UBAP2: variants seen among roughly 807,000 people sequenced by gnomAD.
The protein encoded by UBAP2 is ubiquitin associated protein 2.
A neutral mutation model predicts 139.6 loss-of-function variants in UBAP2; 75 were observed. That is an observed-to-expected ratio of 0.54 (90% CI 0.45 to 0.65). The LOEUF is 0.65. UBAP2 is among the 30% of genes least tolerant of loss of function. UBAP2 has a pLI of 0.00. For missense variants in UBAP2, 1,368 were observed against 1,369.6 expected (o/e 1.00, Z 0.02); for synonymous variants, 526 against 526.2 (o/e 1.00, Z 0.01).
intron 1 of UBAP2, among the ~76,000 whole-genome samples, chr9:34,041,529 T>C (rs1199948307): frequency 1.3e-5 from 2 of 148,646 alleles, no homozygotes; most frequent in African/African-American, 5.0e-5. Flanking sequence ...AAACCCCGTC[T>C]CTACTAAGAA....
chr9:34,010,682 G>C (rs1440330033), intron 2 of UBAP2, among the ~76,000 whole-genome samples: 1 of 152,100 alleles, frequency 6.6e-6, no homozygotes, highest in East Asian at 1.9e-4. Context: ...AAGCATTGTG[G>C]GGAGGGATTT....
rs200223182 is a variant in UBAP2 at position 33,971,721 on chromosome 9, T to C, written c.609A>G (p.Thr203=). The change falls in exon 8 of 29, where the codon ACA becomes ACG. Residue 203 remains threonine (T), a synonymous_variant. Transcript: ENST00000379238. Reference sequence around the variant, plus strand: ...GCTTTGTCCCACACACATCTGTAGATGTAGAATCTGAATAGTCTGCAGGAT... The same window carrying C: ...GCTTTGTCCCACACACATCTGTAGACGTAGAATCTGAATAGTCTGCAGGAT... ...TFNPADYSDS[T]STDVCGTKLV... 6.2e-6 allele frequency: 10 copies of C among 1,611,880 alleles called. No homozygotes were observed. The highest frequency in any genetic ancestry group is 1.3e-5 in the African/African-American group (1 of 74,910).
intron 1 of UBAP2, among the ~76,000 whole-genome samples, chr9:34,020,155 A>T (rs1189644452): frequency 5.3e-5 from 8 of 151,256 alleles, no homozygotes; most frequent in Non-Finnish European, 1.2e-4. Context: ...ATTATTAAAA[A>T]AAAAAAAAAA....
chr9:33,933,678 C>T (rs778080374), intron 17 of UBAP2, 50 bp from the exon 18 acceptor site: 1 of 1,599,158 alleles, frequency 6.3e-7, no homozygotes, highest in Non-Finnish European at 8.5e-7. Flanking sequence ...ATTTCTAAAA[C>T]CAATCCTAAG....
At chr9:34,011,703 T>C (rs2131253401) in intron 2 of UBAP2, 1 of 982,912 alleles carries the variant, frequency 1.0e-6, no homozygotes, top group African/African-American at 1.7e-5. Flanking sequence ...CAACTGGTAA[T>C]TCTTAAGTTA....
At chr9:33,925,275 C>T (rs1587500329) in intron 22 of UBAP2, among the ~76,000 whole-genome samples, 1 of 152,168 alleles carries the variant, frequency 6.6e-6, no homozygotes, top group Non-Finnish European at 1.5e-5. Flanking sequence ...CTAGAACCCC[C>T]GGAAGAGGCA....
chr9:33,951,908 T>C (rs1409766410), intron 12 of UBAP2, among the ~76,000 whole-genome samples: 1 of 152,170 alleles, frequency 6.6e-6, no homozygotes, highest in Non-Finnish European at 1.5e-5. Flanking sequence ...GTGCGTCAAT[T>C]AAAAATCAGG....
At chr9:34,019,569 T>TA (rs1295281656) in intron 1 of UBAP2, among the ~76,000 whole-genome samples, 1 of 151,884 alleles carries the variant, frequency 6.6e-6, no homozygotes, top group Non-Finnish European at 1.5e-5. Flanking sequence ...TAGGGGAGGA[T>TA]ACAAAGGTTC....
intron 2 of UBAP2, among the ~76,000 whole-genome samples, chr9:34,016,637 C>A (rs1459802621): frequency 6.6e-6 from 1 of 151,630 alleles, no homozygotes; most frequent in African/African-American, 2.4e-5. Context: ...CTCACTGCAA[C>A]CTCTGCCTCC....
rs1439058592 is a variant in UBAP2 at position 33,927,092 on chromosome 9, G to A, written c.2372-12C>T. The A allele has an allele frequency of 1.3e-6, 2 of 1,598,328 alleles. No individual in the cohort carries two copies. The highest frequency in any genetic ancestry group is 1.7e-6 in the Non-Finnish European group (2 of 1,171,324). ...TGGGGGTGCTTTGCCTGTATAGAGG[G>A]AAAAATCAAATGGAGTGAAATGGTC... is the stretch of plus-strand genomic sequence containing the variant. On this transcript the variant is annotated splice_polypyrimidine_tract_variant and intron_variant, in intron 20 of 28. Coordinates refer to ENST00000379238, the MANE Select transcript of UBAP2 (RefSeq NM_001370062.2).
chr9:34,014,160 AC>A (rs1056338721), intron 2 of UBAP2, among the ~76,000 whole-genome samples: 30 of 151,696 alleles, frequency 2.0e-4, no homozygotes, highest in African/African-American at 7.0e-4. Flanking sequence ...CTTCATCTCT[AC>A]TAAAAATGCA....
chr9:34,023,915 G>A (rs1392481016), intron 1 of UBAP2, among the ~76,000 whole-genome samples: 3 of 152,008 alleles, frequency 2.0e-5, no homozygotes, highest in Admixed American at 6.6e-5. Context: ...ATGGTGGCAC[G>A]CACCTGTAGT....
intron 18 of UBAP2, among the ~76,000 whole-genome samples, chr9:33,933,101 C>T (rs1468489733): frequency 6.6e-6 from 1 of 152,212 alleles, no homozygotes; most frequent in Non-Finnish European, 1.5e-5. Context: ...ATCGTTTCTT[C>T]AGCCATGGAA....
At chr9:34,045,071 G>C (rs2131383322) in intron 1 of UBAP2, among the ~76,000 whole-genome samples, 1 of 152,074 alleles carries the variant, frequency 6.6e-6, no homozygotes, top group South Asian at 2.1e-4. Flanking sequence ...AAAAAGGCTG[G>C]GCGCCGTGGC....
intron 8 of UBAP2, among the ~76,000 whole-genome samples, chr9:33,969,096 T>C (rs1051626249): frequency 9.3e-5 from 14 of 150,626 alleles, no homozygotes; most frequent in Admixed American, 6.6e-4. Flanking sequence ...TGAGGTTTTT[T>C]CCCCCCAGAC....
chr9:33,942,009 G>C, intron 15 of UBAP2, 147 bp from the exon 16 acceptor site: 1 of 631,586 alleles, frequency 1.6e-6, no homozygotes, highest in South Asian at 2.0e-5. Context: ...TGAGAGATAG[G>C]GGGACATCTT....
intron 1 of UBAP2, among the ~76,000 whole-genome samples, chr9:34,028,361 C>CTTATTTAT (rs143612468): frequency 0.045 from 6,537 of 144,040 alleles, 187 homozygotes; most frequent in African/African-American, 0.066. Flanking sequence ...TAAACCCTGT[C>CTTATTTAT]TTATTTATTT....
At position 33,926,959 on chromosome 9, in the gene UBAP2, G is replaced by A. The variant is rs766296720; in HGVS notation, c.2463+30C>T. The A allele has an allele frequency of 4.0e-5, 64 of 1,607,202 alleles. 1 individual carries two copies. In the South Asian group the frequency reaches 5.9e-4, roughly 15 times the overall value. On this transcript the variant is annotated intron_variant, in intron 21 of 28. Transcript: ENST00000379238. ...CCAGCCCCCGAGGCCAGGGGAGCTG[G>A]GCAGGCCAGGAGTTCCGCCATACAC...
Position 33,944,617 on chromosome 9 carries a change from T to C in UBAP2, c.1293A>G (p.Pro431=). ...GGCTCAACTGGCTAAGAACTGGGGATGGCTCAGGTTGAGATTTGAAGTCTA... is the reference window on the plus strand; with the variant it reads ...GGCTCAACTGGCTAAGAACTGGGGACGGCTCAGGTTGAGATTTGAAGTCTA... ...SHLDFKSQPE[P]SPVLSQLSQR... is the part of the protein sequence containing the mutation. Residue 431 remains proline (P), a synonymous_variant, in exon 14 of 29, where the codon CCA becomes CCG. Transcript: ENST00000379238. 6.2e-7 allele frequency: 1 copy of C among 1,613,746 alleles called. No individual in the cohort carries two copies. Among genetic ancestry groups the C allele is most frequent in the Non-Finnish European group, 8.5e-7 (1 of 1,179,652 alleles).
Sources: gnomAD v4.1 joint callset for allele counts (sites outside exome capture counted in the v4.1 genomes callset) on GRCh38, gnomAD v4.1.1 for gene constraint, MANE v1.5 for transcripts, NCBI Gene and HGNC (gene_info 2026-07-23, HGNC 2026-07-21) for gene names.